The following SAP130 variants were observed in gnomAD, a reference collection of about 807,000 sequenced individuals.
SAP130 encodes the protein Sin3A associated protein 130.
Under a neutral mutation model 103.2 loss-of-function variants are expected in SAP130, and 16 were observed. The observed-to-expected ratio is 0.16, with a 90% CI of 0.10 to 0.24. SAP130 has a LOEUF of 0.24. Ranked by LOEUF, SAP130 falls within the 10% of genes least tolerant of loss-of-function variation. SAP130 has a pLI of 1.00. For missense variants in SAP130, 990 were observed against 1,359.7 expected, an observed-to-expected ratio of 0.73 and a Z score of 4.28; for synonymous variants, 477 against 497.0, an observed-to-expected ratio of 0.96 and a Z score of 0.53.
chr2:128,026,524 T>C (rs961777349), intron 1 of SAP130, among the ~76,000 whole-genome samples: 1 of 152,244 alleles, frequency 6.6e-6, no homozygotes, highest in African/African-American at 2.4e-5. Flanking sequence ...ACTATGACCC[T>C]CCATAAATAC....
At chr2:127,979,917 G>A (rs1037144327) in intron 14 of SAP130, among the ~76,000 whole-genome samples, 37 of 143,646 alleles carry the variant, frequency 2.6e-4, no homozygotes, top group African/African-American at 8.3e-4. Context: ...TCGCTCTGTT[G>A]TCCAGGCTGG....
At chr2:127,950,932 G>C (rs1679457207) in intron 16 of SAP130, among the ~76,000 whole-genome samples, 1 of 152,224 alleles carries the variant, frequency 6.6e-6, no homozygotes, top group South Asian at 2.1e-4. Context: ...CACCATCCCT[G>C]AACTGTTTGC....
At position 128,016,395 on chromosome 2, in the gene SAP130, T is replaced by C. The variant is rs368473194; in HGVS notation, c.501A>G (p.Gly167=). 4.5e-5 allele frequency: 72 copies of C among 1,611,032 alleles called. No individual in the cohort carries two copies. Among genetic ancestry groups the C allele is most frequent in the Non-Finnish European group, 4.9e-5 (58 of 1,178,862 alleles). Residue 167 remains glycine (G), a synonymous_variant, in exon 4 of 21, where the codon GGA becomes GGG. Coordinates refer to ENST00000643581, the MANE Select transcript of SAP130 (RefSeq NM_001330301.2). The stretch of plus-strand genomic sequence containing the variant: ...AATTAAAAGGAAGAAAAACCTGTTG[T>C]CCACTGATTGTTGCCACAGGAATGG... ...ASAIPVATIS[G]QQGHPSNLHH...
chr2:127,950,380 C>T lies in SAP130; in HGVS notation c.2451G>A (p.Val817=). Residue 817 remains valine (V), a synonymous_variant, in exon 17 of 21, where the codon GTG becomes GTA. Transcript: ENST00000643581. ...SAVPPLATNT[V]SPSLALLANN... ...TTGCCAGCAATGCAAGAGATGGAGA[C>T]ACAGTGTTGGTAGCCAGTGGAGGAA... The T allele has an allele frequency of 6.2e-7, 1 of 1,614,190 alleles. No individual in the cohort carries two copies. Among genetic ancestry groups the T allele is most frequent in the Non-Finnish European group, 8.5e-7 (1 of 1,180,022 alleles).
intron 16 of SAP130, among the ~76,000 whole-genome samples, chr2:127,952,547 T>C (rs150184566): frequency 2.6e-5 from 4 of 152,160 alleles, no homozygotes; most frequent in East Asian, 1.9e-4. Flanking sequence ...GCTGTTTATA[T>C]ATAATGTCTC....
At chr2:128,024,895 T>C (rs1439703825) in intron 2 of SAP130, among the ~76,000 whole-genome samples, 2 of 137,940 alleles carry the variant, frequency 1.4e-5, no homozygotes, top group Non-Finnish European at 3.1e-5. Flanking sequence ...ATTAAAAAAA[T>C]AAAAAATAAA....
At chr2:128,027,307 G>A in intron 1 of SAP130, 7 of 1,154,800 alleles carry the variant, frequency 6.1e-6, no homozygotes, top group South Asian at 4.4e-5. Context: ...CCCCGAACCT[G>A]CCCCTGCCTC....
rs1679778437 is a variant in SAP130, at chr2:127,955,488, A to C, written c.2064-144T>G. ...CTCTATTTCCTTTTTTTAAATTTTT[A>C]ATTTTAAAAAAATTTTGAGACAGGG... On this transcript the variant is annotated intron_variant, in intron 15 of 20. Transcript: ENST00000643581. The surrounding 1 kb of genome is among the most constrained non-coding windows in gnomAD (Gnocchi z 4.9). 5.5e-6 allele frequency: 3 copies of C among 544,956 alleles called. No individual in the cohort carries two copies. Among genetic ancestry groups the C allele is most frequent in the African/African-American group, 1.9e-5 (1 of 51,514 alleles). 33.8% of individuals were successfully genotyped at this position (544,956 alleles called of 1,614,324 possible). A position where few individuals can be genotyped will look rare whatever the true frequency, so the allele number is the denominator to read the frequency against.
chr2:127,942,406 G>T lies in SAP130; in HGVS notation c.3015+18C>A. ...CTTCATAAAGTAGATGATCAGAAGG[G>T]AAGGGGCGCACTCAAACCTGTATCA... On this transcript the variant is annotated intron_variant, in intron 20 of 20. Coordinates refer to ENST00000643581, the MANE Select transcript of SAP130 (RefSeq NM_001330301.2). The surrounding 1 kb of genome is among the most constrained non-coding windows in gnomAD (Gnocchi z 4.8). 1 of 1,535,888 alleles carries T rather than the reference G, an allele frequency of 6.5e-7. No homozygotes were observed. Among genetic ancestry groups the T allele is most frequent in the Non-Finnish European group, 9.0e-7 (1 of 1,108,786 alleles).
At chr2:127,968,068 A>C (rs1445468133) in intron 15 of SAP130, among the ~76,000 whole-genome samples, 1 of 152,106 alleles carries the variant, frequency 6.6e-6, no homozygotes, top group Non-Finnish European at 1.5e-5. Flanking sequence ...ACACTTCCTT[A>C]AACTTTTGGC....
chr2:127,987,189 CTTTT>C (rs1682464154), intron 13 of SAP130, among the ~76,000 whole-genome samples: 1 of 152,074 alleles, frequency 6.6e-6, no homozygotes, highest in Non-Finnish European at 1.5e-5. Flanking sequence ...ATTATTTTTT[CTTTT>C]TCTTTGTTTG....
At position 128,027,993 on chromosome 2, in the gene SAP130, T is replaced by C. The variant is rs552204739; in HGVS notation, c.-60A>G. 1.3e-4 allele frequency: 132 copies of C among 985,534 alleles called. 1 individual carries two copies. The African/African-American group carries it at 1.7e-3, about 13-fold the overall frequency. 61.0% of individuals were successfully genotyped at this position (985,534 alleles called of 1,614,324 possible). On this transcript the variant is annotated 5_prime_UTR_variant, in exon 1 of 21. Transcript: ENST00000643581. ...CCGCCTTGAGCTCGCTCCCGCGCGC[T>C]CTCCGTCTGTGGGGCCGACGTCCCC...
intron 15 of SAP130, among the ~76,000 whole-genome samples, chr2:127,957,791 ATAAAGT>A (rs1679948385): frequency 6.6e-6 from 1 of 152,172 alleles, no homozygotes; most frequent in African/African-American, 2.4e-5. Flanking sequence ...AGGCTTTAAG[ATAAAGT>A]TGAAGATATC....
rs144139188 is a variant in SAP130, at chr2:128,022,251, C to T, written c.112+3930G>A. 5.0e-3 allele frequency among the ~76,000 whole-genome samples: 768 copies of T among 152,308 alleles called. 12 individuals carry two copies. The highest frequency in any genetic ancestry group is 0.018 in the African/African-American group (747 of 41,564). On this transcript the variant is annotated intron_variant, in intron 2 of 20. Coordinates refer to ENST00000643581, the MANE Select transcript of SAP130 (RefSeq NM_001330301.2). ...GGATTCTCTCCTTAGTGTAATGTTA[C>T]TGAGGGTTATCCATAATGTTGTGTA...
At chr2:127,977,492 T>C (rs1419576319) in intron 15 of SAP130, among the ~76,000 whole-genome samples, 2 of 150,488 alleles carry the variant, frequency 1.3e-5, no homozygotes, top group Non-Finnish European at 3.0e-5. Flanking sequence ...AGAGCAAAAC[T>C]CTGTCTCAAA....
In SAP130 at chr2:127,955,791, A is replaced by C. The variant is rs112033766; in HGVS notation, c.2064-447T>G. Reference sequence around the variant, plus strand: ...GTGTGAGCCACCACACCCAGCTCTAATACTCTATTCCTTGACTTTAAAGTT... The same window carrying C: ...GTGTGAGCCACCACACCCAGCTCTACTACTCTATTCCTTGACTTTAAAGTT... On this transcript the variant is annotated intron_variant, in intron 15 of 20. Transcript: ENST00000643581. The surrounding 1 kb of genome is among the most constrained non-coding windows in gnomAD (Gnocchi z 4.9). Among the ~76,000 whole-genome samples, 4 of 152,260 alleles carry C rather than the reference A, an allele frequency of 2.6e-5. No homozygotes were observed. The highest frequency in any genetic ancestry group is 9.6e-5 in the African/African-American group (4 of 41,570).
At chr2:128,021,173 G>C (rs1435801453) in intron 2 of SAP130, among the ~76,000 whole-genome samples, 3 of 152,126 alleles carry the variant, frequency 2.0e-5, no homozygotes, top group Non-Finnish European at 4.4e-5. Context: ...ATGTGGCCGG[G>C]CGTGGTGGCT....
At chr2:127,958,635 TGAGAGAGAGAGAGAGAGAG>T (rs1680009660) in intron 15 of SAP130, among the ~76,000 whole-genome samples, 1 of 127,638 alleles carries the variant, frequency 7.8e-6, no homozygotes, top group South Asian at 2.9e-4. Flanking sequence ...GTGAGACAGA[TGAGAGAGAGAGAGAGAGAG>T]AGAGAGAGAG....
chr2:127,964,684 G>A (rs919544359), intron 15 of SAP130, among the ~76,000 whole-genome samples: 3 of 151,810 alleles, frequency 2.0e-5, no homozygotes, highest in African/African-American at 7.3e-5. Context: ...TATAAAAACA[G>A]AAACTAATAA....
Sources: gnomAD v4.1 joint callset for allele counts (sites outside exome capture counted in the v4.1 genomes callset) on GRCh38, gnomAD v4.1.1 for gene constraint, Gnocchi (gnomAD v3.1) non-coding constraint, MANE v1.5 for transcripts, NCBI Gene and HGNC (gene_info 2026-07-23, HGNC 2026-07-21) for gene names.